The following APBB1IP variants were observed in gnomAD, a reference collection of about 807,000 sequenced individuals.
APBB1IP encodes amyloid beta precursor protein binding family B member 1 interacting protein.
Under a neutral mutation model 64.9 loss-of-function variants are expected in APBB1IP, and 27 were observed. The ratio of observed to expected loss-of-function variants is 0.42; its 90% CI spans 0.31 to 0.57. APBB1IP has a LOEUF of 0.57. APBB1IP is among the 20% of genes least tolerant of loss of function. APBB1IP has a pLI of 0.20. For missense variants in APBB1IP, 812 were observed against 845.5 expected (o/e 0.96, Z 0.49); for synonymous variants, 392 against 331.0 (o/e 1.18, Z -2.00).
At chr10:26,456,236 T>C (rs10829005) in intron 2 of APBB1IP, among the ~76,000 whole-genome samples, 60,754 of 152,038 alleles carry the variant, frequency 0.4, 12,280 homozygotes, top group South Asian at 0.5. Context: ...TTGTTTCATT[T>C]CACCTGCATG....
chr10:26,525,880 G>T (rs567246361), intron 8 of APBB1IP, among the ~76,000 whole-genome samples: 4 of 152,268 alleles, frequency 2.6e-5, no homozygotes, highest in Admixed American at 1.3e-4. Flanking sequence ...ACTTGGCAAG[G>T]CCTGTTCCAA....
intron 6 of APBB1IP, among the ~76,000 whole-genome samples, chr10:26,508,857 A>T (rs769494429): frequency 6.6e-6 from 1 of 152,182 alleles, no homozygotes; most frequent in Non-Finnish European, 1.5e-5. Context: ...TTGCCAAATT[A>T]TGTGGTTTAG....
intron 5 of APBB1IP, 151 bp from the exon 6 acceptor site, chr10:26,503,045 TA>T: frequency 1.5e-6 from 1 of 673,830 alleles, no homozygotes; most frequent in Non-Finnish European, 2.4e-6. Flanking sequence ...TGTATGCCTT[TA>T]AAAAGTAATT....
chr10:26,475,093 C>T (rs1430196210), intron 2 of APBB1IP, among the ~76,000 whole-genome samples: 4 of 151,682 alleles, frequency 2.6e-5, no homozygotes, highest in African/African-American at 4.8e-5. Context: ...CTGATGTGTC[C>T]GTGTCTTCCC....
intron 11 of APBB1IP, among the ~76,000 whole-genome samples, chr10:26,544,674 TC>T (rs1231723528): frequency 6.6e-6 from 1 of 152,142 alleles, no homozygotes; most frequent in Non-Finnish European, 1.5e-5. Flanking sequence ...GACAAGAGGT[TC>T]CCAGCATGGG....
Position 26,541,591 on chromosome 10 carries a change from G to C in APBB1IP, c.1054G>C (p.Asp352His), listed in dbSNP as rs768972423. Residue 352 changes from aspartate to histidine, a missense_variant, in exon 11 of 15, where the codon GAT becomes CAT. By Grantham distance (81) the Asp-to-His change is moderately conservative. Coordinates refer to ENST00000376236, the MANE Select transcript of APBB1IP (RefSeq NM_019043.4). ...VPKGKTKTSR[D>H]LACFIQFENV... ...TTTCCCTGTCTTTCAGACATCTCGA[G>C]ATCTGGCGTGTTTTATACAGTTTGA... 1 of 1,608,866 alleles carries C rather than the reference G, an allele frequency of 6.2e-7. No homozygotes were observed. Among genetic ancestry groups the C allele is most frequent in the South Asian group, 1.1e-5 (1 of 89,526 alleles).
intron 11 of APBB1IP, among the ~76,000 whole-genome samples, chr10:26,558,615 T>TA (rs535098612): frequency 0.036 from 4,758 of 131,240 alleles, 107 homozygotes; most frequent in African/African-American, 0.058. Flanking sequence ...AGTGTTTCTT[T>TA]AAAAAAAAAA....
chr10:26,551,636 T>C (rs951991768), intron 11 of APBB1IP, among the ~76,000 whole-genome samples: 1 of 152,220 alleles, frequency 6.6e-6, no homozygotes, highest in African/African-American at 2.4e-5. Flanking sequence ...TGGAATGTCA[T>C]GGAAGGAGCG....
At chr10:26,457,031 G>A (rs945987967) in intron 2 of APBB1IP, among the ~76,000 whole-genome samples, 5 of 152,170 alleles carry the variant, frequency 3.3e-5, no homozygotes, top group African/African-American at 1.2e-4. Context: ...TGGGCTATAG[G>A]TCAAGATAAA....
intron 8 of APBB1IP, among the ~76,000 whole-genome samples, chr10:26,530,358 C>A (rs971016161): frequency 6.6e-6 from 1 of 151,442 alleles, no homozygotes; most frequent in African/African-American, 2.4e-5. Flanking sequence ...CCATTATGCC[C>A]GGCTCTGTAC....
intron 3 of APBB1IP, among the ~76,000 whole-genome samples, chr10:26,494,305 C>T (rs952992324): frequency 1.3e-5 from 2 of 152,174 alleles, no homozygotes; most frequent in Non-Finnish European, 2.9e-5. Context: ...CCCTAAGTGG[C>T]AGGGGCCACT....
intron 2 of APBB1IP, among the ~76,000 whole-genome samples, chr10:26,472,018 G>T (rs1022114868): frequency 4.6e-5 from 7 of 152,038 alleles, no homozygotes; most frequent in Admixed American, 4.6e-4. Context: ...TAGCAGACTT[G>T]ACTGGGATTT....
chr10:26,447,373 T>TCA (rs1564347100), intron 2 of APBB1IP, among the ~76,000 whole-genome samples: 1 of 40,380 alleles, frequency 2.5e-5, no homozygotes. Context: ...AGACTCCGTC[T>TCA]CAAAAAAAAA....
chr10:26,564,115 A>G (rs1404885305), intron 14 of APBB1IP, among the ~76,000 whole-genome samples: 2 of 143,314 alleles, frequency 1.4e-5, no homozygotes, highest in African/African-American at 4.9e-5. Context: ...ACTAAATCAG[A>G]AGGCACTTTA....
At position 26,465,906 on chromosome 10, in the gene APBB1IP, T is replaced by A. The variant is rs140235086; in HGVS notation, c.1-26421T>A. On this transcript the variant is annotated intron_variant, in intron 2 of 14. Coordinates refer to ENST00000376236, the MANE Select transcript of APBB1IP (RefSeq NM_019043.4). Reference sequence around the variant, plus strand: ...GTATTAGGATAATTTGTTACACTTATCAATTTCTGCTCAACGAACCACCCC... The same window carrying A: ...GTATTAGGATAATTTGTTACACTTAACAATTTCTGCTCAACGAACCACCCC... 3.7e-3 allele frequency among the ~76,000 whole-genome samples: 560 copies of A among 152,364 alleles called. 4 individuals carry two copies. Among genetic ancestry groups the A allele is most frequent in the African/African-American group, 0.013 (524 of 41,594 alleles).
intron 2 of APBB1IP, among the ~76,000 whole-genome samples, chr10:26,461,281 G>T (rs148844418): frequency 6.6e-6 from 1 of 152,194 alleles, no homozygotes; most frequent in Admixed American, 6.5e-5. Context: ...AATTCAACAA[G>T]AATTTCTTTT....
intron 8 of APBB1IP, among the ~76,000 whole-genome samples, chr10:26,515,339 T>C (rs932150500): frequency 2.0e-5 from 3 of 152,336 alleles, no homozygotes; most frequent in Middle Eastern, 3.4e-3. Context: ...GGCTCTGCCA[T>C]TTTCGATATG....
intron 11 of APBB1IP, among the ~76,000 whole-genome samples, chr10:26,544,548 C>T (rs989561019): frequency 3.9e-5 from 6 of 152,136 alleles, no homozygotes; most frequent in African/African-American, 1.4e-4. Flanking sequence ...GATTAAATGG[C>T]CTTCAGAGTG....
intron 11 of APBB1IP, among the ~76,000 whole-genome samples, chr10:26,555,193 C>T (rs1836880421): frequency 6.6e-6 from 1 of 152,130 alleles, no homozygotes; most frequent in African/African-American, 2.4e-5. Context: ...TTCTTCACTC[C>T]AGATCCATCT....
Sources: allele counts gnomAD v4.1 joint callset (sites outside exome capture counted in the v4.1 genomes callset), GRCh38; gene constraint gnomAD v4.1.1; transcripts MANE v1.5; gene names NCBI Gene and HGNC (gene_info 2026-07-23, HGNC 2026-07-21).